BAG2: variants seen among roughly 807,000 people sequenced by gnomAD.
The protein encoded by BAG2 is BAG cochaperone 2, also known as BAG family molecular chaperone regulator 2.
In BAG2, 8 loss-of-function variants were observed where a neutral mutation model predicts 16.4. The ratio of observed to expected loss-of-function variants is 0.49; its 90% confidence interval spans 0.29 to 0.88. BAG2 has a LOEUF of 0.88. BAG2 is among the 40% of genes least tolerant of loss of function. The pLI, the probability that BAG2 is intolerant of heterozygous loss-of-function variation, is 0.09. For missense variants in BAG2, 218 were observed against 248.9 expected (o/e 0.88, Z 0.84); for synonymous variants, 82 against 89.2 (o/e 0.92, Z 0.46).
intron 2 of BAG2, among the ~76,000 whole-genome samples, chr6:57,183,560 A>G (rs1332191600): frequency 6.6e-6 from 1 of 152,206 alleles, no homozygotes; most frequent in Non-Finnish European, 1.5e-5. Flanking sequence ...TTGAGAAGTC[A>G]TCTGGTATCC....
In BAG2 at chr6:57,172,576, G is replaced by C. The variant is rs1764151346; in HGVS notation, c.-122G>C. 9.1e-6 allele frequency: 7 copies of C among 766,788 alleles called. No homozygotes were observed. The Admixed American group carries it at 1.7e-4, about 19-fold the overall frequency. 47.5% of individuals were successfully genotyped at this position (766,788 alleles called of 1,614,324 possible). ...GCGAGTCCTCCCGGGTTGCCCCCGC[G>C]GGCGTCAGAGGGAGGGCGGGCGCCC... On this transcript the variant is annotated 5_prime_UTR_variant, in exon 1 of 3. Transcript: ENST00000370693.
At position 57,184,299 on chromosome 6, in the gene BAG2, A is replaced by C; in HGVS notation, c.*109A>C. 9.4e-7 allele frequency: 1 copy of C among 1,063,348 alleles called. No homozygotes were observed. The allele number at this position is 1,063,348 out of a possible 1,614,324, so 65.9% of individuals were successfully genotyped here. ...AGGTATAACCACTTAGTTGACACTG[A>C]TAGTTGTTTCAGATGAGGAAAATAT... is the stretch of plus-strand genomic sequence containing the variant. On this transcript the variant is annotated 3_prime_UTR_variant, in exon 3 of 3. Coordinates refer to ENST00000370693, the MANE Select transcript of BAG2 (RefSeq NM_004282.4).
At chr6:57,183,721 A>G in intron 2 of BAG2, 57 bp from the exon 3 acceptor site, 1 of 1,427,766 alleles carries the variant, frequency 7.0e-7, no homozygotes, top group Non-Finnish European at 9.3e-7. Flanking sequence ...TTTAGTCACA[A>G]ACAAATGCCT....
chr6:57,173,106 C>A (rs1053256192), intron 1 of BAG2: 13 of 1,040,460 alleles, frequency 1.2e-5, no homozygotes, highest in Non-Finnish European at 1.5e-5. Flanking sequence ...GGAAAAAAAT[C>A]AGAGGAGATA....
At chr6:57,174,362 T>C (rs1384178966) in intron 1 of BAG2, 9 of 1,304,278 alleles carry the variant, frequency 6.9e-6, no homozygotes, top group Non-Finnish European at 9.1e-6. Context: ...AGCTGAGTCA[T>C]TGTCCTCCAA....
Position 57,181,300 on chromosome 6 carries a change from A to G in BAG2, c.114-732A>G, listed in dbSNP as rs1183173999. Among the ~76,000 whole-genome samples, 3 of 152,240 alleles carry G rather than the reference A, an allele frequency of 2.0e-5. No individual in the cohort carries two copies. The East Asian group carries it at 5.8e-4, about 29-fold the overall frequency. ...TTATTTGTAGTAATGAGAAGCTGGT[A>G]GACAACCTAAGTGTCCATCTCTGGG... On this transcript the variant is annotated intron_variant, in intron 1 of 2. Coordinates refer to ENST00000370693, the MANE Select transcript of BAG2 (RefSeq NM_004282.4).
rs867243295 is a variant in BAG2, at chr6:57,186,735, T to C, written c.*2545T>C. ...CTCATTTAAACTATTGTCTTTTATATAGACTATAAGTGGATATAGAGTATG... is the reference window on the plus strand; with the variant it reads ...CTCATTTAAACTATTGTCTTTTATACAGACTATAAGTGGATATAGAGTATG... On this transcript the variant is annotated 3_prime_UTR_variant, in exon 3 of 3. Coordinates refer to ENST00000370693, the MANE Select transcript of BAG2 (RefSeq NM_004282.4). 1 of 152,228 alleles carries C rather than the reference T, an allele frequency of 6.6e-6. No homozygotes were observed. Among genetic ancestry groups the C allele is most frequent in the Non-Finnish European group, 1.5e-5 (1 of 68,040 alleles). 9.4% of individuals were successfully genotyped at this position (152,228 alleles called of 1,614,324 possible).
chr6:57,179,513 C>T (rs934663715), intron 1 of BAG2, among the ~76,000 whole-genome samples: 14 of 152,144 alleles, frequency 9.2e-5, no homozygotes, highest in African/African-American at 1.7e-4. Context: ...TGGAATTGAA[C>T]GTGCTAAAAC....
intron 2 of BAG2, 92 bp from the exon 3 acceptor site, chr6:57,183,686 T>A: frequency 8.4e-7 from 1 of 1,191,114 alleles, no homozygotes; most frequent in Non-Finnish European, 1.1e-6. Context: ...AAAAATTTCA[T>A]GGCAGAGGTA....
Position 57,189,416 on chromosome 6 carries a change from T to C in BAG2, c.*5226T>C, listed in dbSNP as rs1324639209. ...TTTAAAAATGGTTAGTGTAATCTTG[T>C]AAGTTCAAAGCTGGGTTCTCAGTGA... is the stretch of plus-strand genomic sequence containing the variant. On this transcript the variant is annotated 3_prime_UTR_variant, in exon 3 of 3. Transcript: ENST00000370693. The C allele has an allele frequency of 2.0e-5, 3 of 152,220 alleles. No homozygotes were observed. The highest frequency in any genetic ancestry group is 2.9e-5 in the Non-Finnish European group (2 of 68,040). 9.4% of individuals were successfully genotyped at this position (152,220 alleles called of 1,614,324 possible).
rs1653008699 is a variant in BAG2, at chr6:57,189,003, G to A, written c.*4813G>A. 1 of 151,958 alleles carries A rather than the reference G, an allele frequency of 6.6e-6. No individual in the cohort carries two copies. The highest frequency in any genetic ancestry group is 2.4e-5 in the African/African-American group (1 of 41,344). 9.4% of individuals were successfully genotyped at this position (151,958 alleles called of 1,614,324 possible). On this transcript the variant is annotated 3_prime_UTR_variant, in exon 3 of 3. Coordinates refer to ENST00000370693, the MANE Select transcript of BAG2 (RefSeq NM_004282.4). The stretch of plus-strand genomic sequence containing the variant: ...GACTTCATGACATTTTCCAATAAAA[G>A]TTATTTTTACAGATTTTGCAATGCT...
In BAG2 at chr6:57,185,370, C is replaced by G. The variant is rs578012567; in HGVS notation, c.*1180C>G. The G allele has an allele frequency of 9.2e-5, 14 of 152,268 alleles. No homozygotes were observed. The highest frequency in any genetic ancestry group is 1.8e-4 in the Non-Finnish European group (12 of 68,024). 9.4% of individuals were successfully genotyped at this position (152,268 alleles called of 1,614,324 possible). On this transcript the variant is annotated 3_prime_UTR_variant, in exon 3 of 3. Transcript: ENST00000370693. Reference sequence around the variant, plus strand: ...TAGTCCTATTGATATACAAAAACCACAACAACTTCCCTGGATACTATTTTG... The same window carrying G: ...TAGTCCTATTGATATACAAAAACCAGAACAACTTCCCTGGATACTATTTTG...
intron 1 of BAG2, 59 bp from the exon 2 acceptor site, chr6:57,181,973 A>G: frequency 6.9e-7 from 1 of 1,443,024 alleles, no homozygotes; most frequent in South Asian, 1.3e-5. Context: ...GAGATAAAGA[A>G]AATTAATAGG....
chr6:57,178,542 C>A (rs1035720402), intron 1 of BAG2, among the ~76,000 whole-genome samples: 9 of 151,916 alleles, frequency 5.9e-5, no homozygotes, highest in African/African-American at 1.9e-4. Context: ...AAAGGTGATC[C>A]CAGTAGACAA....
chr6:57,175,743 G>GGT lies in BAG2; in HGVS notation c.113+2937_113+2938dup, dbSNP rs531947481. On this transcript the variant is annotated intron_variant, in intron 1 of 2. Coordinates refer to ENST00000370693, the MANE Select transcript of BAG2 (RefSeq NM_004282.4). ...GGACATGTGGAGGCTCCTGGAAGGT[G>GGT]GTGTGCCCCTTCCCCCTGTACCTCA... 9.2e-5 allele frequency among the ~76,000 whole-genome samples: 14 copies of GGT among 152,242 alleles called. 1 individual carries two copies. In the South Asian group the frequency reaches 2.7e-3, roughly 29 times the overall value.
chr6:57,183,567 A>G (rs920110944), intron 2 of BAG2, among the ~76,000 whole-genome samples: 1 of 152,210 alleles, frequency 6.6e-6, no homozygotes, highest in Admixed American at 6.5e-5. Context: ...GTCATCTGGT[A>G]TCCCATATAT....
chr6:57,172,668 C>T lies in BAG2; in HGVS notation c.-30C>T, dbSNP rs1764154896. The T allele has an allele frequency of 6.7e-7, 1 of 1,490,530 alleles. No homozygotes were observed. The highest frequency in any genetic ancestry group is 9.0e-7 in the Non-Finnish European group (1 of 1,113,780). 92.3% of individuals were successfully genotyped at this position (1,490,530 alleles called of 1,614,324 possible). On this transcript the variant is annotated 5_prime_UTR_variant, in exon 1 of 3. Transcript: ENST00000370693. ...TCGCTGCCGCCGGAGGGGCCGGTGA[C>T]CTCTTGGCTACCCCGCGTCGGAGGC... is the stretch of plus-strand genomic sequence containing the variant.
At chr6:57,179,147 T>G (rs1424591888) in intron 1 of BAG2, among the ~76,000 whole-genome samples, 1 of 152,224 alleles carries the variant, frequency 6.6e-6, no homozygotes, top group Non-Finnish European at 1.5e-5. Context: ...TAGTGCCAAC[T>G]CCGTCTCTTT....
chr6:57,177,570 A>C (rs545519822), intron 1 of BAG2, among the ~76,000 whole-genome samples: 2 of 152,330 alleles, frequency 1.3e-5, no homozygotes, highest in African/African-American at 4.8e-5. Flanking sequence ...AATACTATAA[A>C]TATATGCCAG....
Sources: allele counts gnomAD v4.1 joint callset (sites outside exome capture counted in the v4.1 genomes callset), GRCh38; gene constraint gnomAD v4.1.1; transcripts MANE v1.5; gene names NCBI Gene and HGNC (gene_info 2026-07-23, HGNC 2026-07-21).